PTGFR: variants seen among roughly 807,000 people sequenced by gnomAD.
PTGFR encodes the protein prostaglandin F2-alpha receptor.
PTGFR carries 15 observed loss-of-function variants against 26.2 expected under a neutral mutation model. The observed-to-expected ratio is 0.57, with a 90% CI of 0.38 to 0.88. The LOEUF is 0.88. PTGFR is among the 40% of genes least tolerant of loss of function. The probability of loss-of-function intolerance (pLI) is 0.00; values close to 1 mark genes in which losing one functional copy is unlikely to be tolerated. For synonymous variants in PTGFR, 165 were observed against 151.1 expected (o/e 1.09, Z -0.68); for missense variants, 369 against 427.2 (o/e 0.86, Z 1.20).
rs761772500 is a variant in PTGFR, at chr1:78,536,398, G to A, written c.799-8G>A. 1.9e-5 allele frequency: 31 copies of A among 1,596,746 alleles called. No homozygotes were observed. The highest frequency in any genetic ancestry group is 6.7e-5 in the East Asian group (3 of 44,668). On this transcript the variant is annotated splice_polypyrimidine_tract_variant and splice_region_variant and intron_variant, in intron 2 of 2. Coordinates refer to ENST00000370757, the MANE Select transcript of PTGFR (RefSeq NM_000959.4). ...ATCAACTAATTTCCGTGTTTTCTTC[G>A]TTTCTAGGTTACAATGGCCAACATT...
At chr1:78,491,491 CG>C (rs1353282443) in intron 1 of PTGFR, among the ~76,000 whole-genome samples, 3 of 152,224 alleles carry the variant, frequency 2.0e-5, no homozygotes, top group Non-Finnish European at 4.4e-5. Context: ...GCACAGATTC[CG>C]CTTCTCGCCG....
At chr1:78,506,493 G>C (rs1649831430) in intron 2 of PTGFR, among the ~76,000 whole-genome samples, 1 of 151,896 alleles carries the variant, frequency 6.6e-6, no homozygotes, top group African/African-American at 2.4e-5. Context: ...AATAATTTAA[G>C]TAATTTGGCT....
chr1:78,513,688 A>C lies in PTGFR; in HGVS notation c.798+20147A>C, dbSNP rs12569166. Among the ~76,000 whole-genome samples the C allele has an allele frequency of 7.2e-4, 109 of 152,362 alleles. 2 individuals carry two copies. In the East Asian group the frequency reaches 0.019, roughly 27 times the overall value. On this transcript the variant is annotated intron_variant, in intron 2 of 2. Transcript: ENST00000370757. ...TCTAGAGATATTAGCGTGACTAAAA[A>C]GTAGCCATGTGCTAATATCTGAGAC...
intron 2 of PTGFR, among the ~76,000 whole-genome samples, chr1:78,522,565 G>A (rs1037782245): frequency 1.3e-5 from 2 of 151,894 alleles, no homozygotes; most frequent in South Asian, 2.1e-4. Context: ...AGGCTCTATC[G>A]AGCTTGTCCA....
At position 78,516,034 on chromosome 1, in the gene PTGFR, A is replaced by T. The variant is rs1012986650; in HGVS notation, c.799-20372A>T. On this transcript the variant is annotated intron_variant, in intron 2 of 2. Coordinates refer to ENST00000370757, the MANE Select transcript of PTGFR (RefSeq NM_000959.4). ...GTCAAGTTTTTTGAAATGTAACCAT[A>T]AAACTGTAATTGTGATAATCGTTTT... is the stretch of plus-strand genomic sequence containing the variant. Among the ~76,000 whole-genome samples the T allele has an allele frequency of 4.6e-5, 7 of 152,340 alleles. No homozygotes were observed. The South Asian group carries it at 1.2e-3, about 27-fold the overall frequency.
At chr1:78,519,792 G>A (rs1443453684) in intron 2 of PTGFR, among the ~76,000 whole-genome samples, 2 of 152,054 alleles carry the variant, frequency 1.3e-5, no homozygotes, top group Non-Finnish European at 2.9e-5. Context: ...CTGGACCAAA[G>A]GGCTCCTGAG....
chr1:78,506,174 C>T (rs1259616133), intron 2 of PTGFR, among the ~76,000 whole-genome samples: 1 of 152,030 alleles, frequency 6.6e-6, no homozygotes, highest in Non-Finnish European at 1.5e-5. Context: ...CCCAATTATT[C>T]CACAGTTTTT....
chr1:78,496,399 T>C (rs1237805952), intron 2 of PTGFR, among the ~76,000 whole-genome samples: 4 of 152,192 alleles, frequency 2.6e-5, no homozygotes, highest in East Asian at 1.9e-4. Flanking sequence ...ATTCCCATAG[T>C]TGTGCTGTAA....
At chr1:78,491,817 G>T (rs572357814) in intron 1 of PTGFR, among the ~76,000 whole-genome samples, 2 of 152,166 alleles carry the variant, frequency 1.3e-5, no homozygotes, top group Admixed American at 6.5e-5. Flanking sequence ...CTAGCTGCTC[G>T]GGAAACGCCA....
At chr1:78,491,611 A>G (rs1649400956) in intron 1 of PTGFR, among the ~76,000 whole-genome samples, 1 of 152,242 alleles carries the variant, frequency 6.6e-6, no homozygotes, top group Non-Finnish European at 1.5e-5. Flanking sequence ...GAGCAATTGC[A>G]GAAAGTTTCA....
intron 2 of PTGFR, 32 bp from the exon 3 acceptor site, chr1:78,536,374 T>C (rs1650653221): frequency 1.3e-6 from 2 of 1,576,196 alleles, no homozygotes; most frequent in African/African-American, 1.4e-5. Context: ...AAAGGCTGCA[T>C]CAACTAATTT....
intron 2 of PTGFR, among the ~76,000 whole-genome samples, chr1:78,530,297 T>C (rs1324007966): frequency 6.6e-6 from 1 of 152,206 alleles, no homozygotes; most frequent in Admixed American, 6.6e-5. Context: ...TTTAACTCAT[T>C]TGATTTTCCT....
At chr1:78,522,878 T>A (rs920568986) in intron 2 of PTGFR, among the ~76,000 whole-genome samples, 3 of 152,112 alleles carry the variant, frequency 2.0e-5, no homozygotes, top group African/African-American at 7.2e-5. Flanking sequence ...TTCCTTATCA[T>A]TGAAATGGGA....
At position 78,536,422 on chromosome 1, in the gene PTGFR, TTGGAATAAATGGAAATCATTCTC is replaced by T. The variant is rs779746932; in HGVS notation, c.821_843del (p.Ile274AsnfsTer3). 1 of 1,611,686 alleles carries T rather than the reference TTGGAATAAATGGAAATCATTCTC, an allele frequency of 6.2e-7. No individual in the cohort carries two copies. The highest frequency in any genetic ancestry group is 1.7e-5 in the Admixed American group (1 of 59,726). On this transcript the variant is annotated frameshift_variant, in exon 3 of 3. Transcript: ENST00000370757. LOFTEE classifies it high-confidence loss of function. ...CGTTTCTAGGTTACAATGGCCAACA[TTGGAATAAATGGAAATCATTCTC>T]TGGAAACCTGTGAAACAACACTTTT...
chr1:78,517,887 T>G (rs1036921365), intron 2 of PTGFR, among the ~76,000 whole-genome samples: 2 of 152,120 alleles, frequency 1.3e-5, no homozygotes, highest in Non-Finnish European at 2.9e-5. Context: ...TTTCGGAAAT[T>G]TTTTTTGTTA....
At chr1:78,535,667 T>C (rs1374983686) in intron 2 of PTGFR, among the ~76,000 whole-genome samples, 2 of 152,194 alleles carry the variant, frequency 1.3e-5, no homozygotes, top group Non-Finnish European at 2.9e-5. Context: ...TGCTTAGTTC[T>C]AACATGTAGC....
chr1:78,527,323 A>G (rs974280941), intron 2 of PTGFR, among the ~76,000 whole-genome samples: 2 of 152,006 alleles, frequency 1.3e-5, no homozygotes, highest in African/African-American at 4.8e-5. Context: ...TAGTAGTAAA[A>G]TTGTATGAAT....
chr1:78,497,795 C>A, intron 2 of PTGFR: 1 of 953,522 alleles, frequency 1.0e-6, no homozygotes, highest in East Asian at 2.6e-5. Flanking sequence ...CCCTAATCAC[C>A]AACGGTAGAC....
At chr1:78,499,391 G>A (rs551217694) in intron 2 of PTGFR, among the ~76,000 whole-genome samples, 2 of 152,296 alleles carry the variant, frequency 1.3e-5, no homozygotes, top group African/African-American at 2.4e-5. Flanking sequence ...CCCCTAGCAC[G>A]TAAGCTCCTG....
Sources: gnomAD v4.1 joint callset for allele counts (sites outside exome capture counted in the v4.1 genomes callset) on GRCh38, gnomAD v4.1.1 for gene constraint, MANE v1.5 for transcripts, NCBI Gene and HGNC (gene_info 2026-07-23, HGNC 2026-07-21) for gene names.